UBN2: variants seen among roughly 807,000 people sequenced by gnomAD.
UBN2 encodes the protein ubinuclein-2.
UBN2 carries 35 observed loss-of-function variants against 120.2 expected under a neutral mutation model. That is an observed-to-expected ratio of 0.29 (90% CI 0.22 to 0.39). The LOEUF (loss-of-function observed/expected upper bound fraction) is 0.39, where lower values mean the gene tolerates loss of function less well. Ranked by LOEUF, UBN2 falls within the 10% of genes least tolerant of loss-of-function variation. UBN2 has a pLI of 1.00. For missense variants in UBN2, 1,693 were observed against 1,663.2 expected, an observed-to-expected ratio of 1.02 and a Z score of -0.31; for synonymous variants, 661 against 648.7, an observed-to-expected ratio of 1.02 and a Z score of -0.29.
intron 6 of UBN2, 85 bp downstream of exon 6, chr7:139,261,826 TA>T: frequency 7.4e-7 from 1 of 1,344,858 alleles, no homozygotes; most frequent in Non-Finnish European, 1.0e-6. Flanking sequence ...ATTTTCCACA[TA>T]ACACTGGTAT....
Position 139,293,564 on chromosome 7 carries a change from A to G in UBN2, c.3901+101A>G, listed in dbSNP as rs531116893. On this transcript the variant is annotated intron_variant, in intron 16 of 17. Transcript: ENST00000473989. Reference sequence around the variant, plus strand: ...AGAGTAGTCCAGTTGGAGTTAATGAAGATTATAGTTTTTTTTTTTTTTTTT... The same window carrying G: ...AGAGTAGTCCAGTTGGAGTTAATGAGGATTATAGTTTTTTTTTTTTTTTTT... 32 of 962,818 alleles carry G rather than the reference A, an allele frequency of 3.3e-5. No homozygotes were observed. The African/African-American group carries it at 5.2e-4, about 16-fold the overall frequency. The allele number at this position is 962,818 out of a possible 1,614,324, so 59.6% of individuals were successfully genotyped here. A position where few individuals can be genotyped will look rare whatever the true frequency, so the allele number is the denominator to read the frequency against.
At chr7:139,271,701 A>G (rs1464427805) in intron 8 of UBN2, among the ~76,000 whole-genome samples, 2 of 152,232 alleles carry the variant, frequency 1.3e-5, no homozygotes, top group Non-Finnish European at 2.9e-5. Flanking sequence ...TGCTTGTAAG[A>G]TGAAAGTAAT....
chr7:139,261,617 CGGG>C lies in UBN2; in HGVS notation c.1275_1277del (p.Gly426del). 6.2e-7 allele frequency: 1 copy of C among 1,614,118 alleles called. No individual in the cohort carries two copies. The highest frequency in any genetic ancestry group is 1.7e-5 in the Admixed American group (1 of 60,020). ...TCTGATGGTAGCCCCCTATCTGAGTCGGGGGGTGAAAATGGAACCACCACCCAG... is the reference window on the plus strand; with the variant it reads ...TCTGATGGTAGCCCCCTATCTGAGTCGGGTGAAAATGGAACCACCACCCAG... On this transcript the variant is annotated inframe_deletion, in exon 6 of 18. Transcript: ENST00000473989.
the UBN2 span, among the ~76,000 whole-genome samples, chr7:139,315,948 G>A: frequency 2.0e-5 from 3 of 151,768 alleles, no homozygotes; most frequent in African/African-American, 7.3e-5. Context: ...GTGGTGGCAG[G>A]CGCCTGTAAT....
chr7:139,289,882 GC>G (rs1292657167), intron 15 of UBN2, among the ~76,000 whole-genome samples: 1 of 151,424 alleles, frequency 6.6e-6, no homozygotes, highest in Non-Finnish European at 1.5e-5. Context: ...ATTAGAAGAA[GC>G]AACTCTGGTT....
the UBN2 span, among the ~76,000 whole-genome samples, chr7:139,320,054 T>G: frequency 4.0e-5 from 6 of 149,964 alleles, no homozygotes; most frequent in Non-Finnish European, 8.9e-5. Context: ...CCAGCCTGGG[T>G]GACAGAGCGA....
chr7:139,247,326 T>C (rs937160491), intron 2 of UBN2, among the ~76,000 whole-genome samples: 7 of 152,154 alleles, frequency 4.6e-5, no homozygotes, highest in Non-Finnish European at 7.3e-5. Context: ...ATAGTAAGGA[T>C]GAACAAAATT....
the UBN2 span, among the ~76,000 whole-genome samples, chr7:139,324,384 C>T: frequency 7.3e-5 from 11 of 150,450 alleles, no homozygotes; most frequent in African/African-American, 2.2e-4. Context: ...GGTGAAACCC[C>T]GTCTCTACTA....
In UBN2 at chr7:139,305,007, C is replaced by G. The variant is rs909451006; in HGVS notation, c.*7171C>G. ...TATCGTAAAATGTGAACTCTGTATT[C>G]AAAAACTATCTACAGATGCTTTCAC... On this transcript the variant is annotated 3_prime_UTR_variant, in exon 18 of 18. Coordinates refer to ENST00000473989, the MANE Select transcript of UBN2 (RefSeq NM_173569.4). 6.6e-6 allele frequency: 1 copy of G among 152,016 alleles called. No individual in the cohort carries two copies. The highest frequency in any genetic ancestry group is 6.6e-5 in the Admixed American group (1 of 15,248). The allele number at this position is 152,016 out of a possible 1,614,324, so 9.4% of individuals were successfully genotyped here.
At chr7:139,316,618 C>T in the UBN2 span, among the ~76,000 whole-genome samples, 1 of 152,102 alleles carries the variant, frequency 6.6e-6, no homozygotes, top group Non-Finnish European at 1.5e-5. Flanking sequence ...GTGGCAGGGG[C>T]CTGTAATCTC....
chr7:139,237,029 C>G lies in UBN2; in HGVS notation c.493C>G (p.Pro165Ala), dbSNP rs1490695963. 5.0e-6 allele frequency: 8 copies of G among 1,610,572 alleles called. No individual in the cohort carries two copies. The highest frequency in any genetic ancestry group is 4.2e-6 in the Non-Finnish European group (5 of 1,177,948). Residue 165 changes from proline to alanine, a missense_variant, in exon 2 of 18, where the codon CCA (proline) becomes GCA (alanine). By Grantham distance (27) the Pro-to-Ala change is conservative. Around this residue, in one of 5 missense-constraint regions of UBN2, gnomAD observed 663 missense variants for 591.2 expected, o/e 1.12. Coordinates refer to ENST00000473989, the MANE Select transcript of UBN2 (RefSeq NM_173569.4). ...GAAGAAGCTCATTCACACAGAAGAC[C>G]CATTTAATGATGAACATCAGGAGAG... Reference protein sequence around the residue: ...QRKKLIHTEDPFNDEHQERQE... With the variant: ...QRKKLIHTEDAFNDEHQERQE...
chr7:139,305,537 C>T lies in UBN2; in HGVS notation c.*7701C>T, dbSNP rs1376691724. Reference sequence around the variant, plus strand: ...AGTACCACTTGCTTGAAAGTAGCTACTTGTGATCTTTAATTTCCTTATATT... The same window carrying T: ...AGTACCACTTGCTTGAAAGTAGCTATTTGTGATCTTTAATTTCCTTATATT... On this transcript the variant is annotated 3_prime_UTR_variant, in exon 18 of 18. Transcript: ENST00000473989. The T allele has an allele frequency of 6.6e-6, 1 of 152,200 alleles. No homozygotes were observed. Among genetic ancestry groups the T allele is most frequent in the Non-Finnish European group, 1.5e-5 (1 of 68,030 alleles). The allele number at this position is 152,200 out of a possible 1,614,324, so 9.4% of individuals were successfully genotyped here. A position where few individuals can be genotyped will look rare whatever the true frequency, so the allele number is the denominator to read the frequency against.
At chr7:139,275,227 G>A (rs1020794044) in intron 11 of UBN2, among the ~76,000 whole-genome samples, 2 of 145,340 alleles carry the variant, frequency 1.4e-5, no homozygotes, top group South Asian at 2.2e-4. Flanking sequence ...ACAGTGAGCC[G>A]AGATTGCACC....
intron 1 of UBN2, among the ~76,000 whole-genome samples, chr7:139,236,366 G>A (rs1796162970): frequency 6.6e-6 from 1 of 152,154 alleles, no homozygotes; most frequent in Admixed American, 6.5e-5. Flanking sequence ...CAGAATATTG[G>A]TGATACAATG....
Position 139,273,753 on chromosome 7 carries a change from C to T in UBN2, c.1830-178C>T, listed in dbSNP as rs534428201. On this transcript the variant is annotated intron_variant, in intron 10 of 17. Transcript: ENST00000473989. Reference sequence around the variant, plus strand: ...GAACCATCCCTTTCAATCTTTGGTGCTTTGATTAAAGATATCAAAGGAAAT... The same window carrying T: ...GAACCATCCCTTTCAATCTTTGGTGTTTTGATTAAAGATATCAAAGGAAAT... Among the ~76,000 whole-genome samples, 3 of 152,244 alleles carry T rather than the reference C, an allele frequency of 2.0e-5. No homozygotes were observed. The South Asian group carries it at 6.2e-4, about 32-fold the overall frequency.
At chr7:139,313,283 T>A in the UBN2 span, among the ~76,000 whole-genome samples, 8 of 152,320 alleles carry the variant, frequency 5.3e-5, no homozygotes, top group South Asian at 1.7e-3. Flanking sequence ...TTTTGTGTCT[T>A]CCAATAAAGC....
chr7:139,254,502 G>A (rs891412489), intron 3 of UBN2, among the ~76,000 whole-genome samples: 2 of 152,192 alleles, frequency 1.3e-5, no homozygotes, highest in East Asian at 1.9e-4. Context: ...AGTCTAGATT[G>A]TAATCTTAAT....
intron 16 of UBN2, 108 bp downstream of exon 16, chr7:139,293,571 A>ATTTTT: frequency 1.3e-6 from 1 of 798,794 alleles, no homozygotes; most frequent in Non-Finnish European, 1.9e-6. Context: ...TGAAGATTAT[A>ATTTTT]GTTTTTTTTT....
At chr7:139,322,649 C>T in the UBN2 span, among the ~76,000 whole-genome samples, 2 of 139,492 alleles carry the variant, frequency 1.4e-5, no homozygotes, top group African/African-American at 5.4e-5. Flanking sequence ...GAGACAGAGC[C>T]TCACTCTGTC....
Sources: gnomAD v4.1 joint callset for allele counts (sites outside exome capture counted in the v4.1 genomes callset) on GRCh38, gnomAD v4.1.1 for gene constraint, gnomAD v4.1.1 regional missense constraint, MANE v1.5 for transcripts, NCBI Gene and HGNC (gene_info 2026-07-23, HGNC 2026-07-21) for gene names.